Variants in ZBTB41 observed in about 807,000 individuals in gnomAD.
ZBTB41 encodes zinc finger and BTB domain containing 41, also known as zinc finger and BTB domain-containing protein 41.
ZBTB41 carries 42 observed loss-of-function variants against 87.6 expected under a neutral mutation model. The observed-to-expected ratio is 0.48, with a 90% CI of 0.37 to 0.62. The LOEUF is 0.62. ZBTB41 is among the 20% of genes least tolerant of loss of function. The pLI is 0.00. For synonymous variants in ZBTB41, 364 were observed against 364.0 expected, an observed-to-expected ratio of 1.00 and a Z score of 0.00; for missense variants, 799 against 1,078.9, an observed-to-expected ratio of 0.74 and a Z score of 3.63.
At position 197,159,505 on chromosome 1, in the gene ZBTB41, G is replaced by C. The variant is rs764602111; in HGVS notation, c.2584C>G (p.Leu862Val). 6.2e-7 allele frequency: 1 copy of C among 1,613,956 alleles called. No homozygotes were observed. Among genetic ancestry groups the C allele is most frequent in the Non-Finnish European group, 8.5e-7 (1 of 1,179,846 alleles). ...ADLAFLEKYT[L>V]TPQPANIVHP... ...ACTATATTTGCAGGTTGAGGAGTAA[G>C]AGTATATTTTTCCAGAAAAGCTAAA... Residue 862 changes from leucine (L) to valine (V), a missense_variant, in exon 11 of 11, where the codon CTT (leucine) becomes GTT (valine). By Grantham distance (32) the Leu-to-Val change is conservative. This residue lies in a region of ZBTB41 where 171 missense variants were observed against 191.9 expected (regional missense o/e 0.89). Transcript: ENST00000367405.
At chr1:197,197,552 A>AGAGGGAGGGAAGGAGGGATG (rs1553233086) in intron 2 of ZBTB41, among the ~76,000 whole-genome samples, 3 of 87,950 alleles carry the variant, frequency 3.4e-5, no homozygotes, top group African/African-American at 1.3e-4. Flanking sequence ...CAGGAGGGAG[A>AGAGGGAGGGAAGGAGGGATG]GAGGGAGGGA....
intron 5 of ZBTB41, among the ~76,000 whole-genome samples, chr1:197,187,440 A>G (rs60000414): frequency 0.014 from 2,096 of 152,282 alleles, 44 homozygotes; most frequent in African/African-American, 0.048. Context: ...CGTTATCTAA[A>G]GTGGTGTAGT....
chr1:197,183,283 T>C (rs1659801251), intron 5 of ZBTB41, among the ~76,000 whole-genome samples: 1 of 152,176 alleles, frequency 6.6e-6, no homozygotes, highest in African/African-American at 2.4e-5. Context: ...TTGGCACTTA[T>C]ACAGTACCTC....
chr1:197,182,760 CA>C (rs1659782245), intron 5 of ZBTB41, among the ~76,000 whole-genome samples: 2 of 152,064 alleles, frequency 1.3e-5, no homozygotes, highest in Non-Finnish European at 2.9e-5. Flanking sequence ...CAGTCATTAT[CA>C]AAATGTGATA....
chr1:197,199,988 TG>T lies in ZBTB41; in HGVS notation c.485del (p.Ala162GlufsTer7). 6.2e-7 allele frequency: 1 copy of T among 1,613,626 alleles called. No homozygotes were observed. Among genetic ancestry groups the T allele is most frequent in the Non-Finnish European group, 8.5e-7 (1 of 1,179,886 alleles). ...CTGCATCTATAATGTCCAAAAATTT[TG>T]CAGCCTCTAAAACAAGAGGTATTTC... is the stretch of plus-strand genomic sequence containing the variant. ...KYEIPLVLEA[A>X]KFLDIIDAVK... On this transcript the variant is annotated frameshift_variant, in exon 2 of 11. Transcript: ENST00000367405. LOFTEE classifies it high-confidence loss of function.
chr1:197,177,719 A>C (rs929672214), intron 7 of ZBTB41, among the ~76,000 whole-genome samples: 2 of 152,084 alleles, frequency 1.3e-5, no homozygotes, highest in African/African-American at 4.8e-5. Flanking sequence ...CTCTCTCTAT[A>C]TATATTCTAA....
In ZBTB41 at chr1:197,190,754, A is replaced by C. The variant is rs564216312; in HGVS notation, c.1398+8T>G. 3.2e-6 allele frequency: 5 copies of C among 1,558,776 alleles called. No homozygotes were observed. In the African/African-American group the frequency reaches 5.4e-5, roughly 17 times the overall value. ...GTTTTCTAATTTGTTTTAATTAAAA[A>C]CTCTTACATCACATTTCCAACTTTC... On this transcript the variant is annotated splice_region_variant and intron_variant, in intron 4 of 10. Coordinates refer to ENST00000367405, the MANE Select transcript of ZBTB41 (RefSeq NM_194314.3).
rs1201053550 is a variant in ZBTB41 at position 197,155,913 on chromosome 1, G to A, written c.*3446C>T. On this transcript the variant is annotated 3_prime_UTR_variant, in exon 11 of 11. Coordinates refer to ENST00000367405, the MANE Select transcript of ZBTB41 (RefSeq NM_194314.3). The stretch of plus-strand genomic sequence containing the variant: ...TAAGGACCAACCCCTAACCTTAAAT[G>A]GGATTTTAGGCTGCAAAAAAAATAG... 4 of 152,068 alleles carry A rather than the reference G, an allele frequency of 2.6e-5. No individual in the cohort carries two copies. The highest frequency in any genetic ancestry group is 9.7e-5 in the African/African-American group (4 of 41,316). 9.4% of individuals were successfully genotyped at this position (152,068 alleles called of 1,614,324 possible). A position where few individuals can be genotyped will look rare whatever the true frequency, so the allele number is the denominator to read the frequency against.
chr1:197,172,294 CTA>C, intron 9 of ZBTB41, 46 bp from the exon 10 acceptor site: 2 of 632,286 alleles, frequency 3.2e-6, no homozygotes, highest in Non-Finnish European at 4.6e-6. Context: ...ATTTTAATAA[CTA>C]TAATAAATAT....
chr1:197,159,967 T>C lies in ZBTB41; in HGVS notation c.2122A>G (p.Lys708Glu), dbSNP rs751709605. 3 of 1,613,440 alleles carry C rather than the reference T, an allele frequency of 1.9e-6. No homozygotes were observed. The African/African-American group carries it at 4.0e-5, about 22-fold the overall frequency. Residue 708 changes from lysine (K) to glutamate (E), a missense_variant, in exon 11 of 11, where the codon AAG (lysine) becomes GAG (glutamate). Transcript: ENST00000367405. Reference protein sequence around the residue: ...CQICNQSFRIKKTLTKHLVIH... With the variant: ...CQICNQSFRIEKTLTKHLVIH... ...ACCAGGTGTTTTGTTAATGTTTTCT[T>C]AATTCTAAAAGACTGATTGCAAATT...
intron 10 of ZBTB41, among the ~76,000 whole-genome samples, chr1:197,170,677 G>C (rs933250631): frequency 2.6e-5 from 4 of 152,120 alleles, no homozygotes; most frequent in South Asian, 4.1e-4. Flanking sequence ...TGGGTAGACT[G>C]TTGGTCACTT....
intron 10 of ZBTB41, among the ~76,000 whole-genome samples, chr1:197,167,319 AGAGT>A (rs1659372331): frequency 6.6e-6 from 1 of 152,042 alleles, no homozygotes; most frequent in Admixed American, 6.6e-5. Context: ...CTCTGCCTTT[AGAGT>A]AGCTCAGACT....
Position 197,159,306 on chromosome 1 carries a change from T to C in ZBTB41, c.*53A>G. On this transcript the variant is annotated 3_prime_UTR_variant, in exon 11 of 11. Transcript: ENST00000367405. ...AGCCCCACAAATTTAAAAGCTATCA[T>C]CTCTACCATTAGCATATAACCATCC... The C allele has an allele frequency of 6.4e-7, 1 of 1,553,622 alleles. No homozygotes were observed. Among genetic ancestry groups the C allele is most frequent in the Non-Finnish European group, 8.8e-7 (1 of 1,133,660 alleles).
intron 10 of ZBTB41, among the ~76,000 whole-genome samples, chr1:197,166,968 A>C (rs1659360582): frequency 2.0e-5 from 3 of 152,134 alleles, no homozygotes; most frequent in Admixed American, 2.0e-4. Flanking sequence ...TTTTACACAA[A>C]CTCCTCCAGA....
intron 8 of ZBTB41, among the ~76,000 whole-genome samples, chr1:197,175,449 T>TATATATATATATATATATATATATATA (rs1659582433): frequency 7.0e-6 from 1 of 143,176 alleles, no homozygotes; most frequent in Non-Finnish European, 1.5e-5. Flanking sequence ...TATATATATA[T>TATATATATATATATATATATATATATA]GTCTGTATAT....
intron 10 of ZBTB41, among the ~76,000 whole-genome samples, chr1:197,170,621 A>G (rs1659456133): frequency 6.6e-6 from 1 of 152,122 alleles, no homozygotes; most frequent in South Asian, 2.1e-4. Context: ...TGGACTTGGG[A>G]ACATGGTGAC....
At position 197,157,379 on chromosome 1, in the gene ZBTB41, T is replaced by C. The variant is rs1210307048; in HGVS notation, c.*1980A>G. 1.3e-5 allele frequency: 2 copies of C among 151,768 alleles called. No homozygotes were observed. Among genetic ancestry groups the C allele is most frequent in the Admixed American group, 6.6e-5 (1 of 15,220 alleles). 9.4% of individuals were successfully genotyped at this position (151,768 alleles called of 1,614,324 possible). A position where few individuals can be genotyped will look rare whatever the true frequency, so the allele number is the denominator to read the frequency against. On this transcript the variant is annotated 3_prime_UTR_variant, in exon 11 of 11. Transcript: ENST00000367405. ...GTCTAAACTTTTCTACATTAGCTTA[T>C]ATGTAAGGCAGGCTACATTTTTATG...
intron 4 of ZBTB41, among the ~76,000 whole-genome samples, chr1:197,190,090 T>C (rs1557985614): frequency 6.6e-6 from 1 of 152,184 alleles, no homozygotes; most frequent in African/African-American, 2.4e-5. Context: ...AGCTAATTTT[T>C]TTTTATTTTT....
rs1285255582 is a variant in ZBTB41, at chr1:197,199,703, C to A, written c.771G>T (p.Arg257=). Residue 257 remains arginine (R), a synonymous_variant, in exon 2 of 11, where the codon CGG becomes CGT. Transcript: ENST00000367405. ...SFSARRSKRN[R]KCPVKFDDTS... is the part of the protein sequence containing the mutation. ...TGTCATCAAACTTAACAGGGCACTT[C>A]CGATTCCTTTTTGATCTTCTTGCGG... is the stretch of plus-strand genomic sequence containing the variant. 1 of 1,613,536 alleles carries A rather than the reference C, an allele frequency of 6.2e-7. No individual in the cohort carries two copies. The highest frequency in any genetic ancestry group is 8.5e-7 in the Non-Finnish European group (1 of 1,179,944).
Sources: allele counts gnomAD v4.1 joint callset (sites outside exome capture counted in the v4.1 genomes callset), GRCh38; gene constraint gnomAD v4.1.1; regional missense constraint gnomAD v4.1.1; transcripts MANE v1.5; gene names NCBI Gene and HGNC (gene_info 2026-07-23, HGNC 2026-07-21).